Variants in DSC3 observed in about 807,000 individuals in gnomAD.
DSC3 encodes the protein desmocollin 3, also known as desmocollin-3.
DSC3 carries 97 observed loss-of-function variants against 89.5 expected under a neutral mutation model. The observed-to-expected ratio is 1.08, with a 90% confidence interval of 0.92 to 1.28. The LOEUF (loss-of-function observed/expected upper bound fraction) is 1.28, where lower values mean the gene tolerates loss of function less well. DSC3 is among the 50% of genes most tolerant of loss of function. The pLI is 0.00. For synonymous variants in DSC3, 436 were observed against 384.1 expected (o/e 1.14, Z -1.58); for missense variants, 1,199 against 1,085.3 (o/e 1.10, Z -1.47).
chr18:31,039,997 T>G (rs1172882310), intron 1 of DSC3, among the ~76,000 whole-genome samples: 1 of 152,196 alleles, frequency 6.6e-6, no homozygotes, highest in Non-Finnish European at 1.5e-5. Context: ...TTTAAAATGA[T>G]GAATATATCA....
At chr18:31,020,226 T>C (rs1030478990) in intron 7 of DSC3, among the ~76,000 whole-genome samples, 3 of 152,090 alleles carry the variant, frequency 2.0e-5, no homozygotes, top group Admixed American at 2.0e-4. Flanking sequence ...GTTGAAATTA[T>C]GGCAGGAATC....
intron 4 of DSC3, among the ~76,000 whole-genome samples, chr18:31,029,038 C>A (rs1001637333): frequency 1.3e-5 from 2 of 152,132 alleles, no homozygotes; most frequent in Admixed American, 1.3e-4. Context: ...CTTCTCTAAG[C>A]CTTCTCTTGC....
rs940149431 is a variant in DSC3, at chr18:31,042,655, G to T, written c.6C>A (p.Ala2=). The change falls in exon 1 of 16, where the codon GCC becomes GCA. Residue 2 remains alanine, a synonymous_variant. Transcript: ENST00000360428. The part of the protein sequence containing the change: M[A]AAGPRRSVRG... ...GCACGGAGCGCCGGGGCCCAGCGGC[G>T]GCCATCGGGATGCCGGGCAGGGCCA... The T allele has an allele frequency of 3.9e-6, 6 of 1,549,344 alleles. No individual in the cohort carries two copies. The highest frequency in any genetic ancestry group is 4.4e-6 in the Non-Finnish European group (5 of 1,146,280).
At chr18:31,042,544 A>G in intron 1 of DSC3, 48 bp downstream of exon 1, 1 of 1,525,040 alleles carries the variant, frequency 6.6e-7, no homozygotes, top group Non-Finnish European at 8.9e-7. Context: ...TCCAGGGCGG[A>G]TCCACCCCCG....
At chr18:31,030,653 A>G (rs1206796561) in intron 3 of DSC3, among the ~76,000 whole-genome samples, 1 of 151,986 alleles carries the variant, frequency 6.6e-6, no homozygotes, top group African/African-American at 2.4e-5. Context: ...AGAAAGAGAG[A>G]GAGGGAGAGA....
chr18:31,032,821 A>G (rs1159691324), intron 1 of DSC3, among the ~76,000 whole-genome samples: 1 of 152,094 alleles, frequency 6.6e-6, no homozygotes, highest in Non-Finnish European at 1.5e-5. Context: ...ATTATACTGG[A>G]GCTTCTAGCC....
At chr18:31,041,557 G>A (rs1242427135) in intron 1 of DSC3, among the ~76,000 whole-genome samples, 1 of 152,188 alleles carries the variant, frequency 6.6e-6, no homozygotes, top group Admixed American at 6.5e-5. Flanking sequence ...GCCGACGCGG[G>A]TATAGACCTC....
chr18:31,031,370 G>C (rs1394887095), intron 2 of DSC3, among the ~76,000 whole-genome samples, 198 bp from the exon 3 acceptor site: 1 of 152,014 alleles, frequency 6.6e-6, no homozygotes, highest in Non-Finnish European at 1.5e-5. Context: ...AATAATTATT[G>C]AGTGTATATT....
intron 5 of DSC3, among the ~76,000 whole-genome samples, chr18:31,025,391 C>T (rs138575467): frequency 6.6e-6 from 1 of 152,138 alleles, no homozygotes; most frequent in East Asian, 1.9e-4. Context: ...AGTATAGATA[C>T]AGGATTCTTC....
intron 15 of DSC3, among the ~76,000 whole-genome samples, chr18:30,996,492 G>A (rs992672094): frequency 2.6e-5 from 4 of 151,970 alleles, no homozygotes; most frequent in African/African-American, 4.8e-5. Flanking sequence ...TTACTTTCAC[G>A]ATCTTCTATA....
At chr18:31,019,243 C>T (rs991345981) in intron 7 of DSC3, among the ~76,000 whole-genome samples, 2 of 151,820 alleles carry the variant, frequency 1.3e-5, no homozygotes, top group Non-Finnish European at 1.5e-5. Context: ...ATTACAGGTG[C>T]CCATGCCCAG....
At position 30,993,545 on chromosome 18, in the gene DSC3, CTT is replaced by C. The variant is rs1226213423; in HGVS notation, c.*628_*629del. Reference sequence around the variant, plus strand: ...CATTTCAAGTTTTTACCATTTTCCTCTTTGTTCTCATTTCATTTTAAATATTG... The same window carrying C: ...CATTTCAAGTTTTTACCATTTTCCTCTGTTCTCATTTCATTTTAAATATTG... On this transcript the variant is annotated 3_prime_UTR_variant, in exon 16 of 16. Coordinates refer to ENST00000360428, the MANE Select transcript of DSC3 (RefSeq NM_001941.5). 1 of 152,226 alleles carries C rather than the reference CTT, an allele frequency of 6.6e-6. No individual in the cohort carries two copies. Among genetic ancestry groups the C allele is most frequent in the Non-Finnish European group, 1.5e-5 (1 of 68,110 alleles). The allele number at this position is 152,226 out of a possible 1,614,324, so 9.4% of individuals were successfully genotyped here.
rs372164215 is a variant in DSC3 at position 30,996,915 on chromosome 18, T to C, written c.2369A>G (p.Glu790Gly). The C allele has an allele frequency of 6.2e-7, 1 of 1,613,986 alleles. No homozygotes were observed. Among genetic ancestry groups the C allele is most frequent in the African/African-American group, 1.3e-5 (1 of 74,888 alleles). ...ATGATGCCCAGCCCCCCGGCAGGAT[T>C]CCAAGGTCTGGTTTCCTCCTTTCAT... ...EMMKGGNQTLESCRGAGHHHT... is the reference protein window; with the variant it reads ...EMMKGGNQTLGSCRGAGHHHT... The change falls in exon 15 of 16, where the codon GAA (glutamate) becomes GGA (glycine). Residue 790 changes from glutamate (E) to glycine (G), a missense_variant. Transcript: ENST00000360428.
At chr18:31,016,416 G>A (rs555636315) in intron 9 of DSC3, among the ~76,000 whole-genome samples, 1 of 152,344 alleles carries the variant, frequency 6.6e-6, no homozygotes, top group African/African-American at 2.4e-5. Context: ...AGGAGGAAGA[G>A]GGGAGAAGGG....
chr18:31,041,697 G>A (rs969139710), intron 1 of DSC3, among the ~76,000 whole-genome samples: 1 of 152,180 alleles, frequency 6.6e-6, no homozygotes, highest in Non-Finnish European at 1.5e-5. Flanking sequence ...CCAGAGTTCC[G>A]AACACTTCAA....
In DSC3 at chr18:30,991,243, G is replaced by T. The variant is rs545959392; in HGVS notation, c.*2932C>A. 6.5e-6 allele frequency: 1 copy of T among 152,680 alleles called. No individual in the cohort carries two copies. Among genetic ancestry groups the T allele is most frequent in the Non-Finnish European group, 1.5e-5 (1 of 68,026 alleles). The allele number at this position is 152,680 out of a possible 1,614,324, so 9.5% of individuals were successfully genotyped here. On this transcript the variant is annotated 3_prime_UTR_variant, in exon 16 of 16. Transcript: ENST00000360428. ...AAACCCCACTGCATTTTAGACAGCT[G>T]CTTCCTTATAAAAGTAAGAAAAAAC...
At chr18:31,026,003 TA>T in intron 4 of DSC3, 88 bp from the exon 5 acceptor site, 4 of 1,242,726 alleles carry the variant, frequency 3.2e-6, no homozygotes, top group Non-Finnish European at 4.5e-6. Flanking sequence ...CTTTTTATTT[TA>T]AAGAGATAAT....
chr18:31,018,303 C>A (rs1269796297), intron 8 of DSC3, 47 bp from the exon 9 acceptor site: 2 of 1,503,544 alleles, frequency 1.3e-6, no homozygotes, highest in Admixed American at 3.8e-5. Flanking sequence ...ATTTTATAGA[C>A]AACTTTAAAA....
chr18:31,042,318 C>T (rs1005836976), intron 1 of DSC3, among the ~76,000 whole-genome samples: 1 of 152,222 alleles, frequency 6.6e-6, no homozygotes, highest in African/African-American at 2.4e-5. Context: ...CGACGGCGCC[C>T]GCCAGAGCGC....
Sources: allele counts gnomAD v4.1 joint callset (sites outside exome capture counted in the v4.1 genomes callset), GRCh38; gene constraint gnomAD v4.1.1; transcripts MANE v1.5; gene names NCBI Gene and HGNC (gene_info 2026-07-23, HGNC 2026-07-21).